The following ALX1 variants were observed in gnomAD, a reference collection of about 807,000 sequenced individuals.
The protein encoded by ALX1 is ALX homeobox 1.
A neutral mutation model predicts 31.7 loss-of-function variants in ALX1; 19 were observed. The observed-to-expected ratio is 0.60, with a 90% CI of 0.42 to 0.88. ALX1 has a LOEUF of 0.88. ALX1 is among the 40% of genes least tolerant of loss of function. ALX1 has a pLI of 0.00. For missense variants in ALX1, 415 were observed against 407.8 expected, an observed-to-expected ratio of 1.02 and a Z score of -0.15; for synonymous variants, 153 against 148.8, an observed-to-expected ratio of 1.03 and a Z score of -0.20.
chr12:85,283,955 C>A (rs1276666658), intron 2 of ALX1, 79 bp downstream of exon 2: 1 of 1,457,688 alleles, frequency 6.9e-7, no homozygotes, highest in Admixed American at 1.7e-5. Flanking sequence ...TGCATTTTGC[C>A]ACAAAGAAAC....
Position 85,280,288 on chromosome 12 carries a change from C to T in ALX1, c.27C>T (p.Ala9=). The change falls in exon 1 of 4, where the codon GCC becomes GCT. Residue 9 remains alanine, a synonymous_variant. Transcript: ENST00000316824. MEFLSEKF[A]LKSPPSKNSD... is the part of the protein sequence containing the mutation. ...TGGAGTTTCTGAGCGAGAAGTTTGC[C>T]CTCAAGAGCCCTCCGAGTAAAAACA... is the stretch of plus-strand genomic sequence containing the variant. 1 of 1,613,550 alleles carries T rather than the reference C, an allele frequency of 6.2e-7. No homozygotes were observed. Among genetic ancestry groups the T allele is most frequent in the Non-Finnish European group, 8.5e-7 (1 of 1,180,032 alleles).
In ALX1 at chr12:85,283,593, TAGA is replaced by T. The variant is rs748256476; in HGVS notation, c.251_253del (p.Glu84del). 24 of 1,614,094 alleles carry T rather than the reference TAGA, an allele frequency of 1.5e-5. No homozygotes were observed. Among genetic ancestry groups the T allele is most frequent in the East Asian group, 6.7e-5 (3 of 44,880 alleles). On this transcript the variant is annotated inframe_deletion, in exon 2 of 4. Coordinates refer to ENST00000316824, the MANE Select transcript of ALX1 (RefSeq NM_006982.3). ...ACAGTGAACTATGGGATCACTAAAG[TAGA>T]AGGACAGCCCCTTCACACCGAACTG...
intron 3 of ALX1, among the ~76,000 whole-genome samples, chr12:85,287,622 T>G (rs1896765998): frequency 6.6e-6 from 1 of 151,546 alleles, no homozygotes; most frequent in Admixed American, 6.6e-5. Context: ...TTACAAAAAG[T>G]GTTAGAAATT....
intron 1 of ALX1, among the ~76,000 whole-genome samples, chr12:85,280,901 A>G (rs1896662744): frequency 6.6e-6 from 1 of 151,976 alleles, no homozygotes; most frequent in South Asian, 2.1e-4. Context: ...ACAGCTCGTT[A>G]GAGTACGTCA....
At chr12:85,286,118 C>A (rs940685149) in intron 2 of ALX1, among the ~76,000 whole-genome samples, 1 of 151,740 alleles carries the variant, frequency 6.6e-6, no homozygotes, top group Non-Finnish European at 1.5e-5. Context: ...AGAGAAATTA[C>A]GTAAAGATAT....
intron 3 of ALX1, among the ~76,000 whole-genome samples, chr12:85,290,651 A>G (rs1896806347): frequency 6.6e-6 from 1 of 151,112 alleles, no homozygotes. Context: ...TAAGTTCTTT[A>G]TTTTGGCTCA....
intron 3 of ALX1, among the ~76,000 whole-genome samples, chr12:85,294,138 T>A (rs1227926237): frequency 6.6e-6 from 1 of 151,236 alleles, no homozygotes; most frequent in Non-Finnish European, 1.5e-5. Context: ...AAAAATTTTC[T>A]GTACAAATTA....
intron 3 of ALX1, among the ~76,000 whole-genome samples, chr12:85,287,865 C>G (rs1397900124): frequency 6.6e-6 from 1 of 151,358 alleles, no homozygotes; most frequent in East Asian, 1.9e-4. Flanking sequence ...ATAAGAGACC[C>G]ATGTGAAAAC....
At chr12:85,283,266 C>T (rs1298609354) in intron 1 of ALX1, among the ~76,000 whole-genome samples, 1 of 152,062 alleles carries the variant, frequency 6.6e-6, no homozygotes, top group Non-Finnish European at 1.5e-5. Context: ...TCATGAAACA[C>T]CCAGATCATC....
rs116928513 is a variant in ALX1, at chr12:85,297,614, G to A, written c.661-3541G>A. 2.2e-3 allele frequency among the ~76,000 whole-genome samples: 338 copies of A among 151,538 alleles called. 7 individuals carry two copies. The East Asian group carries it at 0.051, about 23-fold the overall frequency. ...TTATCACAAGAGGTAAACAAAATTG[G>A]TGTACAAAGAATTTTTCATTTGGAA... On this transcript the variant is annotated intron_variant, in intron 3 of 3. Coordinates refer to ENST00000316824, the MANE Select transcript of ALX1 (RefSeq NM_006982.3).
intron 3 of ALX1, among the ~76,000 whole-genome samples, chr12:85,287,514 G>C (rs1044019188): frequency 6.8e-6 from 1 of 148,026 alleles, no homozygotes; most frequent in Non-Finnish European, 1.5e-5. Context: ...GGTCCTGTTT[G>C]ACTTAAAACA....
At chr12:85,286,033 ACT>A (rs1896742149) in intron 2 of ALX1, among the ~76,000 whole-genome samples, 1 of 151,946 alleles carries the variant, frequency 6.6e-6, no homozygotes, top group Non-Finnish European at 1.5e-5. Flanking sequence ...TGCCACAGTA[ACT>A]GATAGACTTT....
chr12:85,290,868 C>T (rs546946478), intron 3 of ALX1, among the ~76,000 whole-genome samples: 18 of 151,082 alleles, frequency 1.2e-4, no homozygotes, highest in African/African-American at 3.9e-4. Context: ...TTCTCACTGA[C>T]ATTTTGTTGG....
chr12:85,283,435 G>T (rs1488945137), intron 1 of ALX1, 137 bp from the exon 2 acceptor site: 1 of 851,986 alleles, frequency 1.2e-6, no homozygotes, highest in Non-Finnish European at 1.9e-6. Context: ...ATAGAAATGT[G>T]GTAATTGAAT....
chr12:85,290,144 T>C (rs1466772080), intron 3 of ALX1, among the ~76,000 whole-genome samples: 1 of 151,282 alleles, frequency 6.6e-6, no homozygotes, highest in African/African-American at 2.4e-5. Context: ...ACAAGCATAA[T>C]ATGTTTATTT....
intron 3 of ALX1, among the ~76,000 whole-genome samples, chr12:85,290,023 C>A (rs576700861): frequency 3.1e-4 from 47 of 150,854 alleles, no homozygotes; most frequent in African/African-American, 1.1e-3. Flanking sequence ...ATGTTAGAGG[C>A]AGGACAGAAA....
intron 1 of ALX1, among the ~76,000 whole-genome samples, chr12:85,282,036 T>C (rs1334171704): frequency 6.6e-6 from 1 of 152,160 alleles, no homozygotes; most frequent in Non-Finnish European, 1.5e-5. Context: ...TAGGCAGTCA[T>C]CCGCTTAATT....
At position 85,280,928 on chromosome 12, in the gene ALX1, G is replaced by GAA. The variant is rs111230834; in HGVS notation, c.226+441_226+442insAA. Reference sequence around the variant, plus strand: ...AGTACGTCACTGTCGTCACGAGTAGGGAAAAAAAAACCGGAAAACAAAAAC... The same window carrying GAA: ...AGTACGTCACTGTCGTCACGAGTAGGAAGAAAAAAAAACCGGAAAACAAAAAC... On this transcript the variant is annotated intron_variant, in intron 1 of 3. Transcript: ENST00000316824. Among the ~76,000 whole-genome samples, 27 of 150,180 alleles carry GAA rather than the reference G, an allele frequency of 1.8e-4. No homozygotes were observed. The East Asian group carries it at 2.5e-3, about 14-fold the overall frequency.
intron 3 of ALX1, among the ~76,000 whole-genome samples, chr12:85,292,531 G>C (rs1467826442): frequency 6.6e-6 from 1 of 150,996 alleles, no homozygotes; most frequent in Non-Finnish European, 1.5e-5. Context: ...CTTAGAATTT[G>C]AACACGCCAA....
Sources: gnomAD v4.1 joint callset for allele counts (sites outside exome capture counted in the v4.1 genomes callset) on GRCh38, gnomAD v4.1.1 for gene constraint, MANE v1.5 for transcripts, NCBI Gene and HGNC (gene_info 2026-07-23, HGNC 2026-07-21) for gene names.